FRAS1: variants seen among roughly 807,000 people sequenced by gnomAD.
FRAS1 encodes extracellular matrix organizing protein FRAS1.
Under a neutral mutation model 435.2 loss-of-function variants are expected in FRAS1, and 290 were observed. The ratio of observed to expected loss-of-function variants is 0.67; its 90% CI spans 0.61 to 0.73. The LOEUF (loss-of-function observed/expected upper bound fraction) is 0.73, where lower values mean the gene tolerates loss of function less well. Ranked by LOEUF, FRAS1 falls within the 30% of genes least tolerant of loss-of-function variation. The pLI, the probability that FRAS1 is intolerant of heterozygous loss-of-function variation, is 0.00. For missense variants in FRAS1, 4,860 were observed against 5,001.5 expected (o/e 0.97, Z 0.85); for synonymous variants, 1,800 against 1,851.0 (o/e 0.97, Z 0.71).
chr4:78,368,393 A>G (rs1186702561), intron 22 of FRAS1, among the ~76,000 whole-genome samples: 16 of 151,562 alleles, frequency 1.1e-4, no homozygotes, highest in Non-Finnish European at 2.4e-4. Flanking sequence ...GATATCATAT[A>G]GATCTAAAAC....
At chr4:78,181,165 T>C (rs1721984085) in intron 2 of FRAS1, 1 of 1,597,834 alleles carries the variant, frequency 6.3e-7, no homozygotes, top group Non-Finnish European at 8.6e-7. Context: ...CATTTGGTTT[T>C]CAGATATTAA....
intron 2 of FRAS1, among the ~76,000 whole-genome samples, chr4:78,237,083 G>A (rs931289825): frequency 2.6e-5 from 4 of 152,048 alleles, no homozygotes; most frequent in African/African-American, 9.7e-5. Context: ...GAAGCCTGTG[G>A]TGCTTATAGT....
chr4:78,395,122 G>A (rs947341667), intron 29 of FRAS1, among the ~76,000 whole-genome samples: 1 of 151,840 alleles, frequency 6.6e-6, no homozygotes, highest in Non-Finnish European at 1.5e-5. Context: ...ATAAGATCAT[G>A]GTGTCTGTAA....
chr4:78,113,925 T>A (rs1212595282), intron 2 of FRAS1, among the ~76,000 whole-genome samples: 2 of 152,150 alleles, frequency 1.3e-5, no homozygotes, highest in Admixed American at 6.6e-5. Context: ...CTGAATGGTA[T>A]TGCCTAGGTT....
At chr4:78,337,537 C>T (rs1730217385) in intron 19 of FRAS1, 137 bp from the exon 20 acceptor site, 3 of 1,023,634 alleles carry the variant, frequency 2.9e-6, no homozygotes, top group Non-Finnish European at 2.9e-6. Context: ...AGGGTGTGCC[C>T]GGCTTGCTCA....
In FRAS1 at chr4:78,540,945, G is replaced by A. The variant is rs1314371758; in HGVS notation, c.11860G>A (p.Val3954Met). Residue 3954 changes from valine to methionine, a missense_variant, in exon 74 of 74, where the codon GTG becomes ATG. By Grantham distance (21) the Val-to-Met change is conservative. Coordinates refer to ENST00000512123, the MANE Select transcript of FRAS1 (RefSeq NM_025074.7). ...EEYPLNTKVEVPKRHPDRVEK... is the reference protein window; with the variant it reads ...EEYPLNTKVEMPKRHPDRVEK... ...ATATCCTCTGAATACCAAGGTAGAA[G>A]TGCCCAAGAGGCACCCGGACCGGGT... 6.2e-7 allele frequency: 1 copy of A among 1,613,972 alleles called. No homozygotes were observed. The highest frequency in any genetic ancestry group is 1.6e-4 in the Middle Eastern group (1 of 6,062).
intron 2 of FRAS1, among the ~76,000 whole-genome samples, chr4:78,088,665 AAC>A (rs1430946037): frequency 6.6e-6 from 1 of 152,136 alleles, no homozygotes; most frequent in Admixed American, 6.5e-5. Context: ...GCAGCCAAAA[AAC>A]ACATGAAAAA....
chr4:78,096,693 C>A (rs1741826052), intron 2 of FRAS1, among the ~76,000 whole-genome samples: 1 of 152,222 alleles, frequency 6.6e-6, no homozygotes, highest in Non-Finnish European at 1.5e-5. Context: ...TCAGCCATGG[C>A]TGGAGTAGCT....
chr4:78,141,525 A>C (rs1374466863), intron 2 of FRAS1, among the ~76,000 whole-genome samples: 1 of 152,198 alleles, frequency 6.6e-6, no homozygotes, highest in Non-Finnish European at 1.5e-5. Flanking sequence ...GAAAGTTATT[A>C]AGGTAGTAAG....
At chr4:78,275,381 T>C (rs930620082) in intron 9 of FRAS1, among the ~76,000 whole-genome samples, 5 of 152,176 alleles carry the variant, frequency 3.3e-5, no homozygotes, top group African/African-American at 4.8e-5. Context: ...TTATTTTGCT[T>C]GTTAGTTGAT....
chr4:78,182,992 G>A (rs928662026), intron 2 of FRAS1, among the ~76,000 whole-genome samples: 1 of 152,024 alleles, frequency 6.6e-6, no homozygotes, highest in Non-Finnish European at 1.5e-5. Context: ...CAGGAACTCA[G>A]GCTGAGAAGA....
intron 63 of FRAS1, among the ~76,000 whole-genome samples, chr4:78,509,505 G>A (rs765276052): frequency 1.2e-4 from 19 of 152,132 alleles, no homozygotes; most frequent in Admixed American, 5.2e-4. Context: ...GGCCCAAAAT[G>A]GCCAGGACAT....
chr4:78,380,026 G>C, intron 27 of FRAS1, 30 bp downstream of exon 27: 1 of 1,600,856 alleles, frequency 6.2e-7, no homozygotes, highest in South Asian at 1.1e-5. Flanking sequence ...TTTTCTTCCT[G>C]CCTCCTTTCC....
intron 20 of FRAS1, among the ~76,000 whole-genome samples, chr4:78,359,238 C>T (rs76714538): frequency 0.025 from 3,728 of 152,064 alleles, 173 homozygotes; most frequent in African/African-American, 0.085. Flanking sequence ...GTCGGCTACT[C>T]GTAGCCTGTC....
chr4:78,507,516 G>A lies in FRAS1; in HGVS notation c.9412G>A (p.Val3138Met), dbSNP rs1449036495. Residue 3138 changes from valine to methionine, a missense_variant, in exon 62 of 74, where the codon GTG becomes ATG. Coordinates refer to ENST00000512123, the MANE Select transcript of FRAS1 (RefSeq NM_025074.7). ...ACTAGTCCTTGGCCCAGATGACCCA[G>A]TGGAAGCAGTTCTTGGGGATGTGAC... is the stretch of plus-strand genomic sequence containing the variant. ...FSLVLGPDDP[V>M]EAVLGDVTTA... 1.2e-6 allele frequency: 2 copies of A among 1,612,380 alleles called. No individual in the cohort carries two copies.
rs762970185 is a variant in FRAS1, at chr4:78,317,481, T to C, written c.1933T>C (p.Phe645Leu). The C allele has an allele frequency of 4.3e-6, 7 of 1,613,696 alleles. No individual in the cohort carries two copies. The African/African-American group carries it at 9.3e-5, about 22-fold the overall frequency. ...CTGTCTGCCCCGCTGTGGAGAGGGTTTCTACTCTGACCATGGAGTCTGCAA... is the reference window on the plus strand; with the variant it reads ...CTGTCTGCCCCGCTGTGGAGAGGGTCTCTACTCTGACCATGGAGTCTGCAA... ...GHCLPRCGEGFYSDHGVCKAC... is the reference protein window; with the variant it reads ...GHCLPRCGEGLYSDHGVCKAC... The change falls in exon 17 of 74, where the codon TTC (phenylalanine) becomes CTC (leucine). Residue 645 changes from phenylalanine (F) to leucine (L), a missense_variant. Coordinates refer to ENST00000512123, the MANE Select transcript of FRAS1 (RefSeq NM_025074.7).
chr4:78,495,966 A>G (rs1054027717), intron 59 of FRAS1, among the ~76,000 whole-genome samples: 1 of 152,182 alleles, frequency 6.6e-6, no homozygotes, highest in Non-Finnish European at 1.5e-5. Flanking sequence ...TCACAGGGAT[A>G]TTCTCTCACC....
At chr4:78,454,174 A>T (rs1578334307) in intron 47 of FRAS1, among the ~76,000 whole-genome samples, 2 of 50,868 alleles carry the variant, frequency 3.9e-5, no homozygotes, top group South Asian at 6.7e-4. Flanking sequence ...GCTGATACAT[A>T]AAAAAAAAAA....
chr4:78,295,384 C>T (rs1728100777), intron 14 of FRAS1, among the ~76,000 whole-genome samples: 3 of 152,212 alleles, frequency 2.0e-5, no homozygotes, highest in Admixed American at 2.0e-4. Context: ...AGGGTGCCTA[C>T]TTGCCAGCAC....
Sources: allele counts gnomAD v4.1 joint callset (sites outside exome capture counted in the v4.1 genomes callset), GRCh38; gene constraint gnomAD v4.1.1; transcripts MANE v1.5; gene names NCBI Gene and HGNC (gene_info 2026-07-23, HGNC 2026-07-21).